The following NEGR1 variants were observed in gnomAD, a reference collection of about 807,000 sequenced individuals.
NEGR1 encodes the protein IgLON family member 4.
In NEGR1, 10 loss-of-function variants were observed where a neutral mutation model predicts 40.9. The observed-to-expected ratio is 0.24, with a 90% CI of 0.15 to 0.42. NEGR1 has a LOEUF of 0.42. Among genes scored for constraint, NEGR1 ranks in the 10% least tolerant of loss-of-function variants. The pLI, the probability that NEGR1 is intolerant of heterozygous loss-of-function variation, is 1.00. For synonymous variants in NEGR1, 185 were observed against 166.8 expected (o/e 1.11, Z -0.84); for missense variants, 352 against 438.9 (o/e 0.80, Z 1.77).
At chr1:71,980,287 A>G (rs1570574952) in intron 1 of NEGR1, among the ~76,000 whole-genome samples, 1 of 152,196 alleles carries the variant, frequency 6.6e-6, no homozygotes, top group South Asian at 2.1e-4. Flanking sequence ...AGAAAAAATT[A>G]AAATGTAAGT....
chr1:71,628,769 A>G (rs1650875482), intron 4 of NEGR1, among the ~76,000 whole-genome samples: 1 of 152,100 alleles, frequency 6.6e-6, no homozygotes, highest in South Asian at 2.1e-4. Flanking sequence ...GCTGAGTAGT[A>G]TTCTATGGTG....
intron 3 of NEGR1, among the ~76,000 whole-genome samples, chr1:71,746,385 C>G (rs1399314716): frequency 6.6e-6 from 1 of 152,158 alleles, no homozygotes; most frequent in African/African-American, 2.4e-5. Flanking sequence ...CACGGGATAG[C>G]AAACTTAGAT....
chr1:71,814,046 TATG>T (rs1359859401), intron 2 of NEGR1, among the ~76,000 whole-genome samples: 2 of 152,182 alleles, frequency 1.3e-5, no homozygotes, highest in East Asian at 1.9e-4. Context: ...GCCCATTCAG[TATG>T]ATATTGGCTG....
chr1:72,062,807 C>T (rs1044776640), intron 1 of NEGR1, among the ~76,000 whole-genome samples: 2 of 151,812 alleles, frequency 1.3e-5, no homozygotes, highest in Non-Finnish European at 2.9e-5. Flanking sequence ...TGGGTGTTTC[C>T]CAAGATAGCT....
chr1:71,446,746 G>A (rs1004727904), intron 6 of NEGR1, among the ~76,000 whole-genome samples: 2 of 152,166 alleles, frequency 1.3e-5, no homozygotes, highest in Non-Finnish European at 2.9e-5. Context: ...TCTACAGCTT[G>A]ATAAATGTTC....
rs200850401 is a variant in NEGR1 at position 72,055,942 on chromosome 1, A to T, written c.177-120631T>A. On this transcript the variant is annotated intron_variant, in intron 1 of 6. Coordinates refer to ENST00000357731, the MANE Select transcript of NEGR1 (RefSeq NM_173808.3). ...TAATTACCTGTGTTACCTTAAGTAAACTACTCAATCTCTCTGGTTTCCACT... is the reference window on the plus strand; with the variant it reads ...TAATTACCTGTGTTACCTTAAGTAATCTACTCAATCTCTCTGGTTTCCACT... 4.0e-5 allele frequency among the ~76,000 whole-genome samples: 6 copies of T among 150,624 alleles called. No homozygotes were observed. In the East Asian group the frequency reaches 1.2e-3, roughly 29 times the overall value.
intron 1 of NEGR1, among the ~76,000 whole-genome samples, chr1:72,153,597 A>C (rs1390969130): frequency 6.6e-6 from 1 of 151,924 alleles, no homozygotes; most frequent in Admixed American, 6.6e-5. Flanking sequence ...TACATGATAG[A>C]GTTAAATAAT....
At chr1:71,809,108 A>T (rs896202927) in intron 2 of NEGR1, among the ~76,000 whole-genome samples, 3 of 152,196 alleles carry the variant, frequency 2.0e-5, no homozygotes, top group African/African-American at 7.2e-5. Context: ...GGGGGCACTG[A>T]TAAGTGATGG....
chr1:71,906,736 TA>T (rs937195942), intron 2 of NEGR1, among the ~76,000 whole-genome samples: 2 of 152,118 alleles, frequency 1.3e-5, no homozygotes. Context: ...TTCATCAAAA[TA>T]AAAACACACA....
chr1:71,804,469 G>A (rs1352002913), intron 2 of NEGR1, among the ~76,000 whole-genome samples: 1 of 152,196 alleles, frequency 6.6e-6, no homozygotes, highest in East Asian at 1.9e-4. Flanking sequence ...GGGAAGTCAG[G>A]GACCCCGAAT....
At position 72,038,046 on chromosome 1, in the gene NEGR1, T is replaced by C. The variant is rs530486640; in HGVS notation, c.177-102735A>G. Among the ~76,000 whole-genome samples the C allele has an allele frequency of 3.9e-5, 6 of 152,260 alleles. No homozygotes were observed. The South Asian group carries it at 1.2e-3, about 32-fold the overall frequency. On this transcript the variant is annotated intron_variant, in intron 1 of 6. Transcript: ENST00000357731. ...ATTTTCTAAATACTATGGTCTCATA[T>C]ATCAGGACTTAGTAAAAGTGTCACA...
intron 6 of NEGR1, among the ~76,000 whole-genome samples, chr1:71,431,065 T>TA (rs1569862359): frequency 7.4e-6 from 1 of 134,552 alleles, no homozygotes; most frequent in Non-Finnish European, 1.7e-5. Context: ...CTTTTTTTTT[T>TA]ATGATCTTTT....
intron 1 of NEGR1, among the ~76,000 whole-genome samples, chr1:71,949,531 C>T (rs1209420756): frequency 1.3e-5 from 2 of 152,118 alleles, no homozygotes; most frequent in African/African-American, 2.4e-5. Context: ...AAATAAAATA[C>T]TGTGTGACTG....
chr1:71,718,900 C>T (rs1425383672), intron 3 of NEGR1, among the ~76,000 whole-genome samples: 3 of 152,132 alleles, frequency 2.0e-5, no homozygotes, highest in African/African-American at 7.2e-5. Context: ...GTACCAATCC[C>T]TTGATCCTTC....
chr1:71,887,894 A>T (rs918869667), intron 2 of NEGR1, among the ~76,000 whole-genome samples: 3 of 151,100 alleles, frequency 2.0e-5, no homozygotes, highest in African/African-American at 7.3e-5. Context: ...AATCTCCCCT[A>T]CCCCCACCTG....
rs1311656372 is a variant in NEGR1, at chr1:71,541,985, C to T, written c.940+50832G>A. ...GACACTATTCTAAGTGCTGTTGATA[C>T]AAGAGTGAATAAGAAATTCTCTGTA... On this transcript the variant is annotated intron_variant, in intron 6 of 6. Coordinates refer to ENST00000357731, the MANE Select transcript of NEGR1 (RefSeq NM_173808.3). Among the ~76,000 whole-genome samples the T allele has an allele frequency of 3.3e-5, 5 of 151,630 alleles. No individual in the cohort carries two copies. The East Asian group carries it at 9.8e-4, about 30-fold the overall frequency.
At chr1:72,127,391 G>A (rs1366787060) in intron 1 of NEGR1, among the ~76,000 whole-genome samples, 1 of 148,120 alleles carries the variant, frequency 6.8e-6, no homozygotes, top group Non-Finnish European at 1.5e-5. Flanking sequence ...GTGAACCCGG[G>A]AGGCGGAGGT....
chr1:72,159,132 T>C (rs1651464172), intron 1 of NEGR1, among the ~76,000 whole-genome samples: 1 of 152,196 alleles, frequency 6.6e-6, no homozygotes, highest in Non-Finnish European at 1.5e-5. Context: ...AGATGTCCAC[T>C]GCTATGCTGA....
intron 5 of NEGR1, among the ~76,000 whole-genome samples, chr1:71,594,135 T>C (rs1014507509): frequency 8.5e-5 from 13 of 152,204 alleles, no homozygotes; most frequent in East Asian, 1.9e-4. Context: ...TTCAGTCACC[T>C]CTTCAAGAAA....
Sources: gnomAD v4.1 joint callset for allele counts (sites outside exome capture counted in the v4.1 genomes callset) on GRCh38, gnomAD v4.1.1 for gene constraint, MANE v1.5 for transcripts, NCBI Gene and HGNC (gene_info 2026-07-23, HGNC 2026-07-21) for gene names.